Variants in DGKI observed in about 807,000 individuals in gnomAD.
DGKI encodes the protein diacylglycerol kinase iota.
In DGKI, 55 loss-of-function variants were observed where a neutral mutation model predicts 147.5. The ratio of observed to expected loss-of-function variants is 0.37; its 90% CI spans 0.30 to 0.47. The LOEUF (loss-of-function observed/expected upper bound fraction) is 0.47, where lower values mean the gene tolerates loss of function less well. Among genes scored for constraint, DGKI ranks in the 20% least tolerant of loss-of-function variants. The pLI, the probability that DGKI is intolerant of heterozygous loss-of-function variation, is 1.00. For synonymous variants in DGKI, 469 were observed against 477.1 expected, an observed-to-expected ratio of 0.98 and a Z score of 0.22; for missense variants, 1,007 against 1,323.8, an observed-to-expected ratio of 0.76 and a Z score of 3.71.
chr7:137,607,008 C>A (rs1034820898), intron 10 of DGKI, among the ~76,000 whole-genome samples: 1 of 152,126 alleles, frequency 6.6e-6, no homozygotes, highest in Non-Finnish European at 1.5e-5. Context: ...CAAGGGCTAT[C>A]GGGGCATAGT....
chr7:137,575,451 T>A (rs1383465754), intron 17 of DGKI, among the ~76,000 whole-genome samples: 2 of 152,170 alleles, frequency 1.3e-5, no homozygotes, highest in African/African-American at 4.8e-5. Context: ...GAGTTTGATA[T>A]CAATCCGGTG....
intron 1 of DGKI, among the ~76,000 whole-genome samples, chr7:137,719,397 A>C (rs1052172499): frequency 6.6e-6 from 1 of 152,044 alleles, no homozygotes; most frequent in African/African-American, 2.4e-5. Context: ...TTTAGAAGTA[A>C]TATATCTCCA....
chr7:137,391,677 A>G (rs538317304), intron 32 of DGKI, among the ~76,000 whole-genome samples: 91 of 152,316 alleles, frequency 6.0e-4, no homozygotes, highest in African/African-American at 2.1e-3. Context: ...CGAGTTTTGA[A>G]ACCCAGAGCC....
At chr7:137,564,861 T>C (rs1357932021) in intron 19 of DGKI, among the ~76,000 whole-genome samples, 1 of 152,230 alleles carries the variant, frequency 6.6e-6, no homozygotes, top group Non-Finnish European at 1.5e-5. Flanking sequence ...TGCAGCTGGC[T>C]GGCCTTCAGC....
chr7:137,558,300 G>C (rs1563084387), intron 19 of DGKI, among the ~76,000 whole-genome samples: 1 of 152,062 alleles, frequency 6.6e-6, no homozygotes, highest in Non-Finnish European at 1.5e-5. Flanking sequence ...TTATGTTTGA[G>C]ATGGAGTCTC....
chr7:137,804,427 G>A (rs963103647), intron 1 of DGKI, among the ~76,000 whole-genome samples: 3 of 152,222 alleles, frequency 2.0e-5, no homozygotes, highest in African/African-American at 7.2e-5. Flanking sequence ...TTCGTCAGAA[G>A]AGAAGTCCTT....
chr7:137,510,302 TACA>T (rs1395473766), intron 21 of DGKI, among the ~76,000 whole-genome samples: 1 of 152,240 alleles, frequency 6.6e-6, no homozygotes, highest in Non-Finnish European at 1.5e-5. Context: ...AAAGTACTAG[TACA>T]ACAAGATGAT....
chr7:137,493,778 C>T, intron 21 of DGKI: 1 of 702,110 alleles, frequency 1.4e-6, no homozygotes, highest in South Asian at 1.5e-5. Context: ...AGAGAGTCTT[C>T]TTACCTCCAA....
chr7:137,439,191 T>C (rs566925633), intron 28 of DGKI, among the ~76,000 whole-genome samples: 2 of 152,360 alleles, frequency 1.3e-5, no homozygotes, highest in South Asian at 2.1e-4. Context: ...ATAGTATCTA[T>C]TTCAGTAATA....
chr7:137,808,755 G>C (rs539561064), intron 1 of DGKI, among the ~76,000 whole-genome samples: 1 of 152,314 alleles, frequency 6.6e-6, no homozygotes, highest in South Asian at 2.1e-4. Context: ...GCAGAAAAAG[G>C]AAGAAGAACA....
At chr7:137,413,262 T>C (rs990332605) in intron 28 of DGKI, among the ~76,000 whole-genome samples, 1 of 75,822 alleles carries the variant, frequency 1.3e-5, no homozygotes, top group Non-Finnish European at 2.4e-5. Flanking sequence ...TGAGACTCCA[T>C]CTCAAAAAAA....
chr7:137,450,544 C>T (rs1169495881), intron 27 of DGKI, among the ~76,000 whole-genome samples: 1 of 151,894 alleles, frequency 6.6e-6, no homozygotes, highest in African/African-American at 2.4e-5. Flanking sequence ...CATGGTGAAA[C>T]CCTGTCTCTA....
intron 27 of DGKI, among the ~76,000 whole-genome samples, chr7:137,454,231 C>A (rs796145847): frequency 3.6e-4 from 55 of 152,244 alleles, no homozygotes; most frequent in African/African-American, 1.3e-3. Flanking sequence ...TCATGTTGTA[C>A]ACAATAAATA....
At chr7:137,576,718 G>GT (rs1308215704) in intron 17 of DGKI, among the ~76,000 whole-genome samples, 4 of 152,086 alleles carry the variant, frequency 2.6e-5, no homozygotes, top group African/African-American at 9.7e-5. Context: ...GGGAGAGTGA[G>GT]TCACCACAAA....
chr7:137,788,635 T>TACATACAC (rs753484895), intron 1 of DGKI, among the ~76,000 whole-genome samples: 1 of 120,122 alleles, frequency 8.3e-6, no homozygotes, highest in African/African-American at 3.7e-5. Context: ...AACCCATAAA[T>TACATACAC]ACACACACAC....
intron 1 of DGKI, among the ~76,000 whole-genome samples, chr7:137,708,863 T>A (rs750142037): frequency 6.6e-6 from 1 of 152,198 alleles, no homozygotes; most frequent in Non-Finnish European, 1.5e-5. Flanking sequence ...GGATTTGAAG[T>A]GACCTCGAGT....
intron 27 of DGKI, among the ~76,000 whole-genome samples, chr7:137,461,638 T>C (rs1814446937): frequency 6.6e-6 from 1 of 152,206 alleles, no homozygotes; most frequent in Admixed American, 6.5e-5. Context: ...AGACTGAGCC[T>C]AGTAGAGATG....
intron 20 of DGKI, among the ~76,000 whole-genome samples, chr7:137,551,238 G>A (rs1331353753): frequency 1.3e-5 from 2 of 152,098 alleles, no homozygotes; most frequent in Non-Finnish European, 2.9e-5. Flanking sequence ...CCAAAAGCTG[G>A]AACACTCTGA....
intron 3 of DGKI, among the ~76,000 whole-genome samples, chr7:137,665,978 G>A (rs146893343): frequency 2.2e-3 from 328 of 152,262 alleles, no homozygotes; most frequent in African/African-American, 7.7e-3. Flanking sequence ...CTAGGATTGC[G>A]TTAATTCAAA....
Sources: gnomAD v4.1 joint callset for allele counts (sites outside exome capture counted in the v4.1 genomes callset) on GRCh38, gnomAD v4.1.1 for gene constraint, MANE v1.5 for transcripts, NCBI Gene and HGNC (gene_info 2026-07-23, HGNC 2026-07-21) for gene names.